The following DNAH5 variants were observed in gnomAD, a reference collection of about 807,000 sequenced individuals.
DNAH5 encodes the protein axonemal beta dynein heavy chain 5.
In DNAH5, 372 loss-of-function variants were observed where a neutral mutation model predicts 518.2. That is an observed-to-expected ratio of 0.72 (90% CI 0.66 to 0.78). DNAH5 has a LOEUF of 0.78. DNAH5 is among the 30% of genes least tolerant of loss of function. The pLI, the probability that DNAH5 is intolerant of heterozygous loss-of-function variation, is 0.00. For synonymous variants in DNAH5, 2,039 were observed against 2,025.9 expected, an observed-to-expected ratio of 1.01 and a Z score of -0.17; for missense variants, 5,523 against 5,687.0, an observed-to-expected ratio of 0.97 and a Z score of 0.93.
chr5:13,847,116 G>A lies in DNAH5; in HGVS notation c.5115-2123C>T, dbSNP rs187017174. Among the ~76,000 whole-genome samples the A allele has an allele frequency of 2.2e-3, 331 of 152,208 alleles. 2 individuals carry two copies. Among genetic ancestry groups the A allele is most frequent in the African/African-American group, 7.7e-3 (319 of 41,514 alleles). ...TATAGAGAAGATACCTTATCTTCAC[G>A]GACACAGTCTGATTACCGCAACTCC... On this transcript the variant is annotated intron_variant, in intron 31 of 78. Coordinates refer to ENST00000265104, the MANE Select transcript of DNAH5 (RefSeq NM_001369.3).
At chr5:13,998,739 A>C (rs947931405) in intron 1 of DNAH5, among the ~76,000 whole-genome samples, 6 of 152,356 alleles carry the variant, frequency 3.9e-5, no homozygotes, top group African/African-American at 1.4e-4. Context: ...GACAAAAAAT[A>C]GTCCAAAAAA....
intron 2 of DNAH5, among the ~76,000 whole-genome samples, chr5:13,930,830 T>C (rs1448043732): frequency 2.6e-5 from 4 of 152,192 alleles, no homozygotes; most frequent in African/African-American, 9.7e-5. Flanking sequence ...GTTTCCAAAA[T>C]GGCATGAGAG....
intron 1 of DNAH5, among the ~76,000 whole-genome samples, chr5:13,978,806 A>G (rs1223483268): frequency 6.6e-6 from 1 of 152,174 alleles, no homozygotes; most frequent in Admixed American, 6.5e-5. Flanking sequence ...AAATTGTGTA[A>G]TGGCACATTT....
chr5:13,772,691 A>G (rs140503389), intron 55 of DNAH5, among the ~76,000 whole-genome samples: 1 of 152,366 alleles, frequency 6.6e-6, no homozygotes, highest in Non-Finnish European at 1.5e-5. Context: ...TTCCAAAGGT[A>G]TTTAGAAGTT....
At chr5:13,973,240 G>T (rs568939979) in intron 1 of DNAH5, among the ~76,000 whole-genome samples, 1 of 152,272 alleles carries the variant, frequency 6.6e-6, no homozygotes, top group South Asian at 2.1e-4. Flanking sequence ...CTGAAAAAGG[G>T]ACCAAAACGA....
chr5:13,939,560 C>G lies in DNAH5; in HGVS notation c.57+4822G>C, dbSNP rs999763360. On this transcript the variant is annotated intron_variant, in intron 1 of 78. Coordinates refer to ENST00000265104, the MANE Select transcript of DNAH5 (RefSeq NM_001369.3). ...AGAGAAAAGCCTCCCTCTTTGTCTT[C>G]CAGCTTCTCTGTTTCAACCCACAGG... 5.3e-5 allele frequency among the ~76,000 whole-genome samples: 8 copies of G among 152,136 alleles called. No individual in the cohort carries two copies. The South Asian group carries it at 1.7e-3, about 32-fold the overall frequency.
At chr5:13,759,212 TC>T (rs1472587039) in intron 60 of DNAH5, among the ~76,000 whole-genome samples, 1 of 152,248 alleles carries the variant, frequency 6.6e-6, no homozygotes, top group African/African-American at 2.4e-5. Context: ...GCAAATATTT[TC>T]TTTAAAGTGC....
rs575753635 is a variant in DNAH5 at position 13,894,567 on chromosome 5, C to T, written c.2431+83G>A. The stretch of plus-strand genomic sequence containing the variant: ...ACTCCCCATTTCATTATTTATATCT[C>T]CATATTGATAAGAAATTATTCAACA... On this transcript the variant is annotated intron_variant, in intron 16 of 78. Coordinates refer to ENST00000265104, the MANE Select transcript of DNAH5 (RefSeq NM_001369.3). The T allele has an allele frequency of 1.2e-4, 165 of 1,430,364 alleles. No individual in the cohort carries two copies. The Middle Eastern group carries it at 1.6e-3, about 14-fold the overall frequency. The allele number at this position is 1,430,364 out of a possible 1,614,324, so 88.6% of individuals were successfully genotyped here.
chr5:13,753,188 A>G, intron 63 of DNAH5, 45 bp downstream of exon 63: 1 of 1,462,096 alleles, frequency 6.8e-7, no homozygotes, highest in Non-Finnish European at 9.6e-7. Context: ...TATCTGAGGC[A>G]ATAAAACTTA....
rs60470226 is a variant in DNAH5, at chr5:13,862,860, A to ATATATATATG, written c.4597-114_4597-113insCATATATATA. On this transcript the variant is annotated intron_variant, in intron 28 of 78. Coordinates refer to ENST00000265104, the MANE Select transcript of DNAH5 (RefSeq NM_001369.3). ...TTGCTTCATATATATATAAATATATATATAAACTTTTATATTTCCAGACCT... is the reference window on the plus strand; with the variant it reads ...TTGCTTCATATATATATAAATATATATATATATATGTATAAACTTTTATATTTCCAGACCT... 7,315 of 292,208 alleles carry ATATATATATG rather than the reference A, an allele frequency of 0.025. 119 individuals are homozygous for ATATATATATG. The highest frequency in any genetic ancestry group is 0.049 in the South Asian group (324 of 6,668). 18.1% of individuals were successfully genotyped at this position (292,208 alleles called of 1,614,324 possible).
At chr5:13,901,691 A>G in intron 13 of DNAH5, 118 bp from the exon 14 acceptor site, 2 of 670,042 alleles carry the variant, frequency 3.0e-6, no homozygotes, top group Non-Finnish European at 4.7e-6. Flanking sequence ...CTAATGGAAA[A>G]GAATGAGATA....
At chr5:13,841,951 A>C in intron 32 of DNAH5, 47 bp from the exon 33 acceptor site, 1 of 1,225,586 alleles carries the variant, frequency 8.2e-7, no homozygotes, top group Non-Finnish European at 1.2e-6. Context: ...ATAGTCATAT[A>C]AAAAGTAAAA....
chr5:13,929,791 G>T (rs1256111667), intron 2 of DNAH5, among the ~76,000 whole-genome samples: 4 of 152,076 alleles, frequency 2.6e-5, no homozygotes, highest in Non-Finnish European at 5.9e-5. Flanking sequence ...AGTTTAACCT[G>T]GTATCCCTAC....
chr5:13,843,003 C>T (rs1481540822), intron 32 of DNAH5, among the ~76,000 whole-genome samples: 1 of 152,164 alleles, frequency 6.6e-6, no homozygotes, highest in African/African-American at 2.4e-5. Context: ...AAGCTTTGCT[C>T]CTGGGCCATG....
At chr5:13,945,603 ATTT>A (rs373791775), upstream of DNAH5, among the ~76,000 whole-genome samples, 1 of 150,102 alleles carries the variant, frequency 6.7e-6, no homozygotes, top group Non-Finnish European at 1.5e-5. Context: ...TGTTTGCAGG[ATTT>A]TTTTTTTCTT....
chr5:13,717,511 T>C lies in DNAH5; in HGVS notation c.12509A>G (p.Gln4170Arg). ...CCCAGAGCTCACGTCCAGCAGGTCT[T>C]GGCTGACACCTGTTGTGGTCAGTTG... is the stretch of plus-strand genomic sequence containing the variant. ...GLKRTYSGVS[Q>R]DLLDVSSGSQ... is the part of the protein sequence containing the mutation. Residue 4170 changes from glutamine (Q) to arginine (R), a missense_variant, in exon 73 of 79, where the codon CAA becomes CGA. By Grantham distance (43) the Gln-to-Arg change is conservative. This residue lies in a region of DNAH5 where 5,121 missense variants were observed against 5,223.3 expected (regional missense o/e 0.98). Coordinates refer to ENST00000265104, the MANE Select transcript of DNAH5 (RefSeq NM_001369.3). The C allele has an allele frequency of 6.2e-7, 1 of 1,614,138 alleles. No homozygotes were observed. Among genetic ancestry groups the C allele is most frequent in the Non-Finnish European group, 8.5e-7 (1 of 1,180,004 alleles).
intron 59 of DNAH5, 122 bp from the exon 60 acceptor site, chr5:13,763,023 T>C: frequency 2.3e-6 from 2 of 853,156 alleles, no homozygotes; most frequent in South Asian, 2.9e-5. Flanking sequence ...GCATCATATT[T>C]TGTCACTATT....
intron 1 of DNAH5, among the ~76,000 whole-genome samples, chr5:13,993,259 C>T (rs1432803921): frequency 6.6e-6 from 1 of 152,170 alleles, no homozygotes; most frequent in Non-Finnish European, 1.5e-5. Flanking sequence ...TGCAGATGCT[C>T]AACACATTCA....
intron 32 of DNAH5, among the ~76,000 whole-genome samples, chr5:13,844,191 G>A (rs565503815): frequency 1.3e-5 from 2 of 152,328 alleles, no homozygotes; most frequent in South Asian, 4.1e-4. Flanking sequence ...CATGGTAGTT[G>A]CTCAATAAAT....
Sources: allele counts gnomAD v4.1 joint callset (sites outside exome capture counted in the v4.1 genomes callset), GRCh38; gene constraint gnomAD v4.1.1; regional missense constraint gnomAD v4.1.1; transcripts MANE v1.5; gene names NCBI Gene and HGNC (gene_info 2026-07-23, HGNC 2026-07-21).